Variants in MEIOB observed in about 807,000 individuals in gnomAD.
The protein encoded by MEIOB is meiosis-specific with OB domain-containing protein.
In MEIOB, 50 loss-of-function variants were observed where a neutral mutation model predicts 53.1. The ratio of observed to expected loss-of-function variants is 0.94; its 90% CI spans 0.75 to 1.19. The LOEUF is 1.19. Among genes scored for constraint, MEIOB ranks in the 50% most tolerant of loss-of-function variants. The pLI, the probability that MEIOB is intolerant of heterozygous loss-of-function variation, is 0.00. For synonymous variants in MEIOB, 192 were observed against 182.5 expected, an observed-to-expected ratio of 1.05 and a Z score of -0.42; for missense variants, 551 against 550.8, an observed-to-expected ratio of 1.00 and a Z score of 0.00.
At chr16:1,838,017 G>C in intron 12 of MEIOB, 147 bp from the exon 13 acceptor site, 2 of 1,415,346 alleles carry the variant, frequency 1.4e-6, no homozygotes, top group Non-Finnish European at 1.9e-6. Flanking sequence ...TGTTTGTAGA[G>C]ACAGGGTCTC....
intron 5 of MEIOB, 35 bp from the exon 6 acceptor site, chr16:1,857,965 G>C: frequency 1.5e-6 from 2 of 1,366,460 alleles, no homozygotes; most frequent in South Asian, 1.4e-5. Context: ...TTATTTGAAA[G>C]TGATCTTTGG....
chr16:1,868,152 C>T lies in MEIOB; in HGVS notation c.24G>A (p.Arg8=). Residue 8 remains arginine (R), a synonymous_variant, in exon 2 of 14, where the codon AGG becomes AGA. Transcript: ENST00000325962. ...GCAGATCTGAAAGGGTAGTGAAAAT[C>T]CTCGCTGCAAAGGAGTTTGCCATTT... MANSFAA[R]IFTTLSDLQT... is the part of the protein sequence containing the mutation. The T allele has an allele frequency of 6.5e-7, 1 of 1,533,428 alleles. No homozygotes were observed. Among genetic ancestry groups the T allele is most frequent in the Non-Finnish European group, 8.8e-7 (1 of 1,134,206 alleles). The allele number at this position is 1,533,428 out of a possible 1,614,324, so 95.0% of individuals were successfully genotyped here. A position where few individuals can be genotyped will look rare whatever the true frequency, so the allele number is the denominator to read the frequency against.
At chr16:1,857,511 C>T (rs1393157768) in intron 6 of MEIOB, among the ~76,000 whole-genome samples, 1 of 152,236 alleles carries the variant, frequency 6.6e-6, no homozygotes, top group Non-Finnish European at 1.5e-5. Context: ...GAGTGGAACA[C>T]TGCATTTAGC....
chr16:1,852,936 G>T, intron 9 of MEIOB, 103 bp downstream of exon 9: 1 of 732,544 alleles, frequency 1.4e-6, no homozygotes, highest in Non-Finnish European at 2.2e-6. Flanking sequence ...CTTCTAATTT[G>T]AATTAAATCC....
chr16:1,834,441 T>C, intron 13 of MEIOB, 75 bp from the exon 14 acceptor site: 5 of 777,420 alleles, frequency 6.4e-6, no homozygotes, highest in Non-Finnish European at 6.7e-6. Flanking sequence ...GAAAAATCAA[T>C]GATCACGAAT....
At chr16:1,844,808 C>G (rs961598346) in intron 10 of MEIOB, 54 bp downstream of exon 10, 6 of 839,416 alleles carry the variant, frequency 7.1e-6, no homozygotes, top group Non-Finnish European at 9.9e-6. Context: ...CAAACCTTTA[C>G]AGGCCCAATT....
intron 9 of MEIOB, among the ~76,000 whole-genome samples, chr16:1,845,439 G>T (rs1395015965): frequency 6.6e-6 from 1 of 152,118 alleles, no homozygotes; most frequent in African/African-American, 2.4e-5. Context: ...AGACTGGCAT[G>T]AACCTGGGAG....
At chr16:1,858,461 G>T (rs1311212978) in intron 5 of MEIOB, among the ~76,000 whole-genome samples, 1 of 151,930 alleles carries the variant, frequency 6.6e-6, no homozygotes, top group Admixed American at 6.6e-5. Flanking sequence ...CTCTAACCCA[G>T]CCCCACCTCC....
At position 1,841,888 on chromosome 16, in the gene MEIOB, G is replaced by T; in HGVS notation, c.966C>A (p.Gly322=). The T allele has an allele frequency of 6.2e-7, 1 of 1,607,976 alleles. No individual in the cohort carries two copies. The highest frequency in any genetic ancestry group is 8.5e-7 in the Non-Finnish European group (1 of 1,176,950). ...GTGTGGAAATGTAGGCATAAAGGAT[G>T]CCATAGGAAGGATCAGCTTTTCCTT... is the stretch of plus-strand genomic sequence containing the variant. The part of the protein sequence containing the change: ...KNEGKADPSY[G]ILYAYISTLN... The change falls in exon 11 of 14, where the codon GGC becomes GGA. Residue 322 remains glycine, a synonymous_variant. Transcript: ENST00000325962.
intron 10 of MEIOB, among the ~76,000 whole-genome samples, chr16:1,843,011 AC>A (rs1898951625): frequency 1.4e-5 from 2 of 147,258 alleles, no homozygotes; most frequent in Non-Finnish European, 3.0e-5. Context: ...AGTACATCAC[AC>A]AGCCAGGCGC....
At chr16:1,837,008 G>A (rs1898765872) in intron 13 of MEIOB, among the ~76,000 whole-genome samples, 1 of 152,086 alleles carries the variant, frequency 6.6e-6, no homozygotes, top group South Asian at 2.1e-4. Context: ...TCTCACCTGT[G>A]ACCCAGTGCA....
chr16:1,860,316 C>A, intron 5 of MEIOB, 87 bp downstream of exon 5: 2 of 661,826 alleles, frequency 3.0e-6, no homozygotes, highest in Admixed American at 3.4e-5. Flanking sequence ...AGAAACAGAA[C>A]ACTTTTAGTA....
intron 3 of MEIOB, among the ~76,000 whole-genome samples, chr16:1,864,643 C>T (rs988410292): frequency 1.3e-5 from 2 of 151,930 alleles, no homozygotes; most frequent in African/African-American, 2.4e-5. Flanking sequence ...CGCCTGCCAC[C>T]ATGCCTGACT....
At position 1,834,008 on chromosome 16, in the gene MEIOB, A is replaced by T; in HGVS notation, c.*248T>A. Reference sequence around the variant, plus strand: ...CTGTAGAAGATTAAATCTGTTTATTAATTCATGTAAACATTTTCCAACTTG... The same window carrying T: ...CTGTAGAAGATTAAATCTGTTTATTTATTCATGTAAACATTTTCCAACTTG... On this transcript the variant is annotated 3_prime_UTR_variant, in exon 14 of 14. Coordinates refer to ENST00000325962, the MANE Select transcript of MEIOB (RefSeq NM_001163560.3). 2.8e-6 allele frequency: 1 copy of T among 358,914 alleles called. No individual in the cohort carries two copies. The highest frequency in any genetic ancestry group is 5.0e-6 in the Non-Finnish European group (1 of 200,256). 22.2% of individuals were successfully genotyped at this position (358,914 alleles called of 1,614,324 possible).
intron 9 of MEIOB, among the ~76,000 whole-genome samples, 155 bp from the exon 10 acceptor site, chr16:1,845,118 T>C (rs1201014776): frequency 6.6e-6 from 1 of 152,212 alleles, no homozygotes; most frequent in Non-Finnish European, 1.5e-5. Context: ...TGATGTAGAA[T>C]TCTGTAAACA....
rs184012665 is a variant in MEIOB, at chr16:1,867,575, C to T, written c.69+532G>A. ...ACTGAGACCGCCTTCTGGCTTCAAGCGATTCTCCTGCCTCAGCCTCCTGAG... is the reference window on the plus strand; with the variant it reads ...ACTGAGACCGCCTTCTGGCTTCAAGTGATTCTCCTGCCTCAGCCTCCTGAG... On this transcript the variant is annotated intron_variant, in intron 2 of 13. Coordinates refer to ENST00000325962, the MANE Select transcript of MEIOB (RefSeq NM_001163560.3). Among the ~76,000 whole-genome samples the T allele has an allele frequency of 1.4e-3, 209 of 148,360 alleles. No individual in the cohort carries two copies. In the Middle Eastern group the frequency reaches 0.017, roughly 12 times the overall value.
intron 4 of MEIOB, among the ~76,000 whole-genome samples, chr16:1,861,004 T>C (rs1049313129): frequency 6.6e-6 from 1 of 152,210 alleles, no homozygotes; most frequent in Non-Finnish European, 1.5e-5. Context: ...TCATAAAAGT[T>C]ATCTGTTGAG....
intron 4 of MEIOB, among the ~76,000 whole-genome samples, chr16:1,860,987 C>T (rs1187431584): frequency 1.3e-5 from 2 of 152,048 alleles, no homozygotes; most frequent in East Asian, 3.9e-4. Flanking sequence ...TTTTATGAGG[C>T]TAGGGCTCAT....
At chr16:1,856,476 C>T (rs1307452671) in intron 6 of MEIOB, among the ~76,000 whole-genome samples, 1 of 152,100 alleles carries the variant, frequency 6.6e-6, no homozygotes, top group Admixed American at 6.6e-5. Context: ...CCCACCACCT[C>T]ACCTGGCTAA....
Sources: allele counts gnomAD v4.1 joint callset (sites outside exome capture counted in the v4.1 genomes callset), GRCh38; gene constraint gnomAD v4.1.1; transcripts MANE v1.5; gene names NCBI Gene and HGNC (gene_info 2026-07-23, HGNC 2026-07-21).